The following TM9SF2 variants were observed in gnomAD, a reference collection of about 807,000 sequenced individuals.
TM9SF2 encodes the protein 76 kDa membrane protein.
Under a neutral mutation model 84.9 loss-of-function variants are expected in TM9SF2, and 13 were observed. The observed-to-expected ratio is 0.15, with a 90% confidence interval of 0.10 to 0.24. The LOEUF is 0.24. TM9SF2 is among the 10% of genes least tolerant of loss of function. The probability of loss-of-function intolerance (pLI) is 1.00; values close to 1 mark genes in which losing one functional copy is unlikely to be tolerated. For missense variants in TM9SF2, 562 were observed against 818.5 expected (o/e 0.69, Z 3.82); for synonymous variants, 273 against 285.8 (o/e 0.96, Z 0.45).
chr13:99,504,442 G>A (rs1566561197), intron 1 of TM9SF2, among the ~76,000 whole-genome samples: 1 of 152,134 alleles, frequency 6.6e-6, no homozygotes, highest in East Asian at 1.9e-4. Flanking sequence ...GCATTTCTTA[G>A]AGGAAAAGTG....
intron 3 of TM9SF2, among the ~76,000 whole-genome samples, chr13:99,523,535 T>C (rs1273129014): frequency 6.6e-6 from 1 of 152,256 alleles, no homozygotes; most frequent in African/African-American, 2.4e-5. Context: ...GTCTTTTATA[T>C]TTGACTTCTG....
intron 4 of TM9SF2, among the ~76,000 whole-genome samples, chr13:99,535,523 CTT>C (rs930006337): frequency 6.6e-5 from 10 of 152,068 alleles, no homozygotes; most frequent in East Asian, 5.8e-4. Flanking sequence ...ATTTTATAGT[CTT>C]TTCATTGGAA....
rs1594062676 is a variant in TM9SF2 at position 99,556,734 on chromosome 13, C to T, written c.1752+1087C>T. ...GAGTAGCTGGGACTACAGGCGCCTG[C>T]CACCATGCCTGGCTAATTGCTTCTT... On this transcript the variant is annotated intron_variant, in intron 15 of 16. Transcript: ENST00000376387. Among the ~76,000 whole-genome samples the T allele has an allele frequency of 3.3e-5, 5 of 152,272 alleles. No individual in the cohort carries two copies. In the South Asian group the frequency reaches 1.0e-3, roughly 32 times the overall value.
intron 16 of TM9SF2, among the ~76,000 whole-genome samples, chr13:99,559,953 A>C (rs2139115260): frequency 6.6e-6 from 1 of 152,278 alleles, no homozygotes; most frequent in South Asian, 2.1e-4. Flanking sequence ...GATATCAAGG[A>C]AAGATAATGG....
At chr13:99,558,153 G>A (rs2046331692) in intron 15 of TM9SF2, among the ~76,000 whole-genome samples, 1 of 152,162 alleles carries the variant, frequency 6.6e-6, no homozygotes, top group South Asian at 2.1e-4. Context: ...TTTATTTCTG[G>A]ACTCTCAATA....
intron 1 of TM9SF2, among the ~76,000 whole-genome samples, chr13:99,510,826 T>C (rs941733981): frequency 6.6e-6 from 1 of 152,236 alleles, no homozygotes; most frequent in East Asian, 1.9e-4. Context: ...ATAAATTCTT[T>C]GAAGGCAAGT....
At chr13:99,555,515 T>C (rs767508221) in intron 14 of TM9SF2, 21 bp from the exon 15 acceptor site, 125 of 1,520,920 alleles carry the variant, frequency 8.2e-5, no homozygotes, top group Non-Finnish European at 1.1e-4. Context: ...TATAGTTCCT[T>C]CTTGACGTGT....
intron 11 of TM9SF2, among the ~76,000 whole-genome samples, chr13:99,547,530 A>G (rs896541668): frequency 6.6e-6 from 1 of 152,228 alleles, no homozygotes; most frequent in Non-Finnish European, 1.5e-5. Context: ...TCATACTTAC[A>G]TTGTATCAAT....
rs1220816573 is a variant in TM9SF2 at position 99,536,579 on chromosome 13, T to C, written c.462-29T>C. Reference sequence around the variant, plus strand: ...CTTTGTCATGTTTGGTGGGTTCTTTTCTAACTTAACTCCTCTTTCCATGTG... The same window carrying C: ...CTTTGTCATGTTTGGTGGGTTCTTTCCTAACTTAACTCCTCTTTCCATGTG... On this transcript the variant is annotated intron_variant, in intron 4 of 16. Transcript: ENST00000376387. The C allele has an allele frequency of 3.7e-6, 6 of 1,602,392 alleles. No individual in the cohort carries two copies. The African/African-American group carries it at 4.0e-5, about 11-fold the overall frequency.
chr13:99,554,183 A>G, intron 13 of TM9SF2, 121 bp from the exon 14 acceptor site: 1 of 1,201,300 alleles, frequency 8.3e-7, no homozygotes, highest in South Asian at 1.5e-5. Flanking sequence ...TCTTAAGTAG[A>G]CTTTATTGCC....
intron 13 of TM9SF2, among the ~76,000 whole-genome samples, chr13:99,553,524 A>G (rs1346801623): frequency 6.6e-6 from 1 of 152,248 alleles, no homozygotes; most frequent in Non-Finnish European, 1.5e-5. Flanking sequence ...AAAAGTTGAT[A>G]TACATGATTC....
intron 3 of TM9SF2, among the ~76,000 whole-genome samples, chr13:99,529,152 G>A (rs1196182236): frequency 1.3e-5 from 2 of 152,128 alleles, no homozygotes; most frequent in African/African-American, 2.4e-5. Flanking sequence ...TACTAGGAGA[G>A]ACTAAAGTTC....
intron 11 of TM9SF2, among the ~76,000 whole-genome samples, chr13:99,548,882 C>T (rs2046294639): frequency 6.6e-6 from 1 of 152,104 alleles, no homozygotes; most frequent in African/African-American, 2.4e-5. Flanking sequence ...GATACTGGCT[C>T]AGGATTTAAG....
rs138923045 is a variant in TM9SF2 at position 99,538,786 on chromosome 13, G to T, written c.717-660G>T. Among the ~76,000 whole-genome samples the T allele has an allele frequency of 2.5e-3, 380 of 151,906 alleles. 4 individuals are homozygous for T. Among genetic ancestry groups the T allele is most frequent in the African/African-American group, 9.0e-3 (374 of 41,406 alleles). ...AAATTAACTGGGCACTGTGGCCCGT[G>T]CCTGTAGGAGGCTGAAGTGGGAGGA... On this transcript the variant is annotated intron_variant, in intron 6 of 16. Coordinates refer to ENST00000376387, the MANE Select transcript of TM9SF2 (RefSeq NM_004800.3).
chr13:99,510,598 G>A (rs1217856707), intron 1 of TM9SF2, among the ~76,000 whole-genome samples: 1 of 152,036 alleles, frequency 6.6e-6, no homozygotes, highest in Non-Finnish European at 1.5e-5. Context: ...GAGAGTGGGG[G>A]CAGGTGCCAC....
At chr13:99,529,172 T>C (rs976045511) in intron 3 of TM9SF2, among the ~76,000 whole-genome samples, 1 of 152,214 alleles carries the variant, frequency 6.6e-6, no homozygotes, top group Admixed American at 6.5e-5. Context: ...CCATTTTTGT[T>C]CTACATGGGA....
intron 8 of TM9SF2, 43 bp downstream of exon 8, chr13:99,540,836 AC>A (rs2046256052): frequency 1.3e-6 from 2 of 1,512,334 alleles, no homozygotes; most frequent in East Asian, 2.3e-5. Flanking sequence ...CTACTTTTCT[AC>A]CCTCTGTCCC....
At chr13:99,532,112 C>T (rs1045373242) in intron 4 of TM9SF2, among the ~76,000 whole-genome samples, 4 of 150,898 alleles carry the variant, frequency 2.7e-5, no homozygotes, top group South Asian at 2.1e-4. Flanking sequence ...AGTGCAGTGG[C>T]GCAATCTCGG....
At chr13:99,562,384 T>C (rs2046348161) in intron 16 of TM9SF2, among the ~76,000 whole-genome samples, 2 of 152,262 alleles carry the variant, frequency 1.3e-5, no homozygotes, top group African/African-American at 4.8e-5. Context: ...TTGTAAAATA[T>C]TCTTAAATAG....
Sources: gnomAD v4.1 joint callset for allele counts (sites outside exome capture counted in the v4.1 genomes callset) on GRCh38, gnomAD v4.1.1 for gene constraint, MANE v1.5 for transcripts, NCBI Gene and HGNC (gene_info 2026-07-23, HGNC 2026-07-21) for gene names.